Variants in FMNL3 observed in about 807,000 individuals in gnomAD.
FMNL3 encodes the protein formin-like protein 3.
FMNL3 carries 57 observed loss-of-function variants against 119.6 expected under a neutral mutation model. The ratio of observed to expected loss-of-function variants is 0.48; its 90% confidence interval spans 0.39 to 0.59. FMNL3 has a LOEUF of 0.59. Among genes scored for constraint, FMNL3 ranks in the 20% least tolerant of loss-of-function variants. The pLI is 0.00. For synonymous variants in FMNL3, 491 were observed against 507.3 expected (o/e 0.97, Z 0.43); for missense variants, 1,053 against 1,323.5 (o/e 0.80, Z 3.17).
intron 5 of FMNL3, among the ~76,000 whole-genome samples, chr12:49,661,310 G>A (rs1262490500): frequency 3.3e-5 from 5 of 151,928 alleles, no homozygotes; most frequent in Non-Finnish European, 7.4e-5. Flanking sequence ...TTTCATAGAA[G>A]AAGACACAAA....
At chr12:49,688,219 G>A (rs915545378) in intron 1 of FMNL3, among the ~76,000 whole-genome samples, 1 of 152,198 alleles carries the variant, frequency 6.6e-6, no homozygotes, top group African/African-American at 2.4e-5. Flanking sequence ...AGTCAAACCT[G>A]AAAGGGCAGA....
Position 49,638,134 on chromosome 12 carries a change from A to C in FMNL3, c.*7681T>G, listed in dbSNP as rs900323951. ...GAAATTTGTAGGTGGAAGAGGTTGG[A>C]GTGTACACGGGGTACTAAGAGCAAA... On this transcript the variant is annotated 3_prime_UTR_variant, in exon 26 of 26. Transcript: ENST00000335154. The C allele has an allele frequency of 2.9e-6, 1 of 344,014 alleles. No individual in the cohort carries two copies. The highest frequency in any genetic ancestry group is 5.4e-6 in the Non-Finnish European group (1 of 184,038). The allele number at this position is 344,014 out of a possible 1,614,324, so 21.3% of individuals were successfully genotyped here. A position where few individuals can be genotyped will look rare whatever the true frequency, so the allele number is the denominator to read the frequency against.
chr12:49,682,821 C>A (rs1944370641), intron 1 of FMNL3, among the ~76,000 whole-genome samples: 1 of 152,280 alleles, frequency 6.6e-6, no homozygotes, highest in South Asian at 2.1e-4. Flanking sequence ...AACAGCCACC[C>A]AGGGGATTCA....
At chr12:49,657,876 G>A (rs1943617828) in intron 6 of FMNL3, among the ~76,000 whole-genome samples, 1 of 152,196 alleles carries the variant, frequency 6.6e-6, no homozygotes, top group Non-Finnish European at 1.5e-5. Context: ...AAGGGGCTCT[G>A]AGAAGTCATC....
chr12:49,678,990 T>C (rs777581357), intron 1 of FMNL3, among the ~76,000 whole-genome samples: 3 of 152,152 alleles, frequency 2.0e-5, no homozygotes, highest in Non-Finnish European at 4.4e-5. Flanking sequence ...ATGAGCTAAG[T>C]AAGTAGGTGG....
Position 49,642,402 on chromosome 12 carries a change from C to T in FMNL3, c.*3413G>A. The T allele has an allele frequency of 6.2e-7, 1 of 1,610,538 alleles. No homozygotes were observed. The highest frequency in any genetic ancestry group is 8.5e-7 in the Non-Finnish European group (1 of 1,177,836). ...GGAGCGTAGCCTGGCCCCAAGCACCCCTCAAGCCTGAGGGCAGCGGTGCTT... is the reference window on the plus strand; with the variant it reads ...GGAGCGTAGCCTGGCCCCAAGCACCTCTCAAGCCTGAGGGCAGCGGTGCTT... On this transcript the variant is annotated 3_prime_UTR_variant, in exon 26 of 26. Transcript: ENST00000335154. This position sits in a 1 kb window ranked among gnomAD's most constrained non-coding sequence, Gnocchi z 5.8.
In FMNL3 at chr12:49,637,049, T is replaced by G; in HGVS notation, c.*8766A>C. On this transcript the variant is annotated 3_prime_UTR_variant, in exon 26 of 26. Transcript: ENST00000335154. ...CTGGACTGTGCTCTTCTAGGGAGAC[T>G]AGATGTATGCACCACCCAGAAACTG... 2.6e-6 allele frequency: 2 copies of G among 782,298 alleles called. No individual in the cohort carries two copies. Among genetic ancestry groups the G allele is most frequent in the South Asian group, 3.7e-5 (2 of 54,784 alleles). The allele number at this position is 782,298 out of a possible 1,614,324, so 48.5% of individuals were successfully genotyped here.
At position 49,649,878 on chromosome 12, in the gene FMNL3, C is replaced by G; in HGVS notation, c.2048G>C (p.Arg683Pro). The change falls in exon 18 of 26, where the codon CGC becomes CCC. Residue 683 changes from arginine to proline, a missense_variant. Transcript: ENST00000335154. This position sits in a 1 kb window ranked among gnomAD's most constrained non-coding sequence, Gnocchi z 5.6. ...LPVDFVECLM[R>P]FLPTEAEVKL... ...TACCTCAGCCTCTGTGGGCAGGAAG[C>G]GCATCAGGCACTCCACGAAGTCCAC... The G allele has an allele frequency of 1.9e-6, 3 of 1,614,056 alleles. No individual in the cohort carries two copies. The highest frequency in any genetic ancestry group is 1.7e-6 in the Non-Finnish European group (2 of 1,180,010).
At chr12:49,655,082 C>T in intron 9 of FMNL3, 98 bp from the exon 10 acceptor site, 1 of 1,100,566 alleles carries the variant, frequency 9.1e-7, no homozygotes, top group Non-Finnish European at 1.3e-6. Flanking sequence ...AGGACTGGTT[C>T]AGACCAAGCT....
Position 49,650,786 on chromosome 12 carries a change from T to A in FMNL3, c.1890A>T (p.Gln630His). 5.6e-6 allele frequency: 9 copies of A among 1,614,194 alleles called. No homozygotes were observed. The highest frequency in any genetic ancestry group is 7.6e-6 in the Non-Finnish European group (9 of 1,180,024). The change falls in exon 17 of 26, where the codon CAA (glutamine) becomes CAT (histidine). Residue 630 changes from glutamine to histidine, a missense_variant. Physicochemically the swap from Gln to His is conservative, Grantham distance 24. Transcript: ENST00000335154. The stretch of plus-strand genomic sequence containing the variant: ...ACAGAGTCACCTTGCTGGCAGCTTT[T>A]TGCGCTGTCTTGTTTTTGGAGCAGA... The part of the protein sequence containing the change: ...DLICSKNKTA[Q>H]KAASKVTLLE...
chr12:49,669,871 A>AAACAAAACAC (rs1943997615), intron 1 of FMNL3, among the ~76,000 whole-genome samples: 1 of 151,336 alleles, frequency 6.6e-6, no homozygotes. Context: ...AAACAAAACA[A>AAACAAAACAC]AACACACAAA....
chr12:49,696,494 T>A, intron 1 of FMNL3, among the ~76,000 whole-genome samples: 1 of 152,228 alleles, frequency 6.6e-6, no homozygotes, highest in East Asian at 1.9e-4. Context: ...TCACCTACAG[T>A]TGTTATACTG....
chr12:49,698,711 C>A (rs527556707), intron 1 of FMNL3, among the ~76,000 whole-genome samples: 2 of 152,276 alleles, frequency 1.3e-5, no homozygotes, highest in South Asian at 4.1e-4. Context: ...CTCCAGGACA[C>A]AGAGGGAGCT....
chr12:49,646,635 G>A, intron 25 of FMNL3: 1 of 1,519,922 alleles, frequency 6.6e-7, no homozygotes, highest in Non-Finnish European at 8.8e-7. Context: ...GCGGTGCCCA[G>A]TACCTGTCGG....
chr12:49,641,628 G>A lies in FMNL3; in HGVS notation c.*4187C>T. The A allele has an allele frequency of 2.3e-6, 1 of 428,430 alleles. No individual in the cohort carries two copies. Among genetic ancestry groups the A allele is most frequent in the Non-Finnish European group, 4.2e-6 (1 of 237,248 alleles). The allele number at this position is 428,430 out of a possible 1,614,324, so 26.5% of individuals were successfully genotyped here. A position where few individuals can be genotyped will look rare whatever the true frequency, so the allele number is the denominator to read the frequency against. On this transcript the variant is annotated 3_prime_UTR_variant, in exon 26 of 26. Coordinates refer to ENST00000335154, the MANE Select transcript of FMNL3 (RefSeq NM_175736.5). The stretch of plus-strand genomic sequence containing the variant: ...CTGGGGCCAGAGCTTTAAGCCAAAG[G>A]AACAAAAGTTAATTTTGAGAAACTC...
chr12:49,682,299 T>C (rs942323227), intron 1 of FMNL3, among the ~76,000 whole-genome samples: 1 of 151,850 alleles, frequency 6.6e-6, no homozygotes, highest in Non-Finnish European at 1.5e-5. Context: ...CTTGATCTCC[T>C]GACCTCGTGA....
chr12:49,668,818 AATAGG>A (rs1467933307), intron 1 of FMNL3, among the ~76,000 whole-genome samples: 7 of 152,252 alleles, frequency 4.6e-5, no homozygotes, highest in South Asian at 2.1e-4. Flanking sequence ...AGCTGATTAA[AATAGG>A]ATAGAAGATA....
intron 1 of FMNL3, among the ~76,000 whole-genome samples, chr12:49,696,291 C>T (rs1565898216): frequency 6.6e-6 from 1 of 152,124 alleles, no homozygotes; most frequent in Non-Finnish European, 1.5e-5. Context: ...CAGGACCAGA[C>T]CAAATGGCTC....
rs770163200 is a variant in FMNL3 at position 49,647,344 on chromosome 12, G to C, written c.2803C>G (p.Arg935Gly). ...CGCATTACCTCCTCCTGCTTCTTGC[G>C]GGCTTCATTCTCTTGTTCTGCTTCC... Reference protein sequence around the residue: ...YKEAEQENEARKKQEEVMREK... With the variant: ...YKEAEQENEAGKKQEEVMREK... Residue 935 changes from arginine to glycine, a missense_variant, in exon 24 of 26, where the codon CGC (arginine) becomes GGC (glycine). Around this residue, in one of 4 missense-constraint regions of FMNL3, gnomAD observed 324 missense variants for 380.9 expected, o/e 0.85. Transcript: ENST00000335154. The surrounding 1 kb of genome is among the most constrained non-coding windows in gnomAD (Gnocchi z 4.9). The C allele has an allele frequency of 1.9e-6, 3 of 1,613,254 alleles. No homozygotes were observed. The highest frequency in any genetic ancestry group is 1.3e-5 in the African/African-American group (1 of 74,888).
Sources: gnomAD v4.1 joint callset for allele counts (sites outside exome capture counted in the v4.1 genomes callset) on GRCh38, gnomAD v4.1.1 for gene constraint, gnomAD v4.1.1 regional missense constraint, Gnocchi (gnomAD v3.1) non-coding constraint, MANE v1.5 for transcripts, NCBI Gene and HGNC (gene_info 2026-07-23, HGNC 2026-07-21) for gene names.